Variants in TENM1 observed in about 807,000 individuals in gnomAD.
The protein encoded by TENM1 is teneurin transmembrane protein 1.
In TENM1, 35 loss-of-function variants were observed where a neutral mutation model predicts 174.8. That is an observed-to-expected ratio of 0.20 (90% CI 0.15 to 0.27). The LOEUF is 0.27. Among genes scored for constraint, TENM1 ranks in the 10% least tolerant of loss-of-function variants. The pLI is 1.00. For synonymous variants in TENM1, 781 were observed against 798.7 expected, an observed-to-expected ratio of 0.98 and a Z score of 0.37; for missense variants, 1,633 against 2,130.1, an observed-to-expected ratio of 0.77 and a Z score of 4.59.
chrX:124,497,207 T>A lies in TENM1; in HGVS notation c.3504A>T (p.Ile1168=), dbSNP rs750188556. 5 of 1,207,296 alleles carry A rather than the reference T, an allele frequency of 4.1e-6. No individual in the cohort carries two copies. In the East Asian group the frequency reaches 1.5e-4, roughly 36 times the overall value. Residue 1168 remains isoleucine (I), a synonymous_variant, in exon 20 of 32, where the codon ATA becomes ATT. Coordinates refer to ENST00000422452, the Ensembl canonical transcript of TENM1. ...GGTGTCCATTACCCATTATGGTTGA[T>A]ATGACTGGGGGCTGCTGGGAAATGA...
intron 3 of TENM1, among the ~76,000 whole-genome samples, chrX:124,892,881 C>A (rs367842896): frequency 5.4e-5 from 6 of 112,141 alleles, no homozygotes; most frequent in African/African-American, 1.9e-4. Flanking sequence ...TCAGATATAA[C>A]ATGTATAAAC....
intron 14 of TENM1, among the ~76,000 whole-genome samples, chrX:124,549,205 A>C (rs2048501879): frequency 8.9e-6 from 1 of 112,283 alleles, no homozygotes; most frequent in African/African-American, 3.2e-5. Flanking sequence ...TCTGCTAATT[A>C]AACATCTGGA....
chrX:124,798,515 TTCACCC>T (rs1603209894), intron 3 of TENM1, among the ~76,000 whole-genome samples: 1 of 112,233 alleles, frequency 8.9e-6, no homozygotes, highest in Non-Finnish European at 1.9e-5. Context: ...GTTCATATCC[TTCACCC>T]TCTTTTTGAT....
exon 6 of TENM1, chrX:124,671,806 A>T (rs1968111043): frequency 8.3e-7 from 1 of 1,208,867 alleles, no homozygotes; most frequent in Non-Finnish European, 1.1e-6. Context: ...ACTGGTTGCA[A>T]CTGCCAAGTC....
chrX:124,878,365 T>C (rs969923033), intron 3 of TENM1, among the ~76,000 whole-genome samples: 1 of 110,893 alleles, frequency 9.0e-6, no homozygotes, highest in Admixed American at 9.6e-5. Context: ...ACTGGAGAAC[T>C]GATCATATAG....
At chrX:125,134,022 A>G in the TENM1 span, among the ~76,000 whole-genome samples, 1 of 111,245 alleles carries the variant, frequency 9.0e-6, no homozygotes, top group Non-Finnish European at 1.9e-5. Context: ...TGATTTTTGT[A>G]TTTCGTTGCC....
intron 3 of TENM1, among the ~76,000 whole-genome samples, chrX:124,835,066 T>G (rs2056366290): frequency 1.8e-5 from 2 of 111,921 alleles, no homozygotes; most frequent in Non-Finnish European, 3.8e-5. Context: ...CACCTTTCAC[T>G]CTGGTTAAAC....
At chrX:124,488,526 G>C (rs1446929153) in intron 20 of TENM1, among the ~76,000 whole-genome samples, 1 of 112,327 alleles carries the variant, frequency 8.9e-6, no homozygotes, top group Admixed American at 9.4e-5. Context: ...TAGGTATCCT[G>C]TGGGTTGAAA....
the TENM1 span, among the ~76,000 whole-genome samples, chrX:125,142,988 A>G: frequency 2.7e-5 from 3 of 112,232 alleles, no homozygotes; most frequent in Non-Finnish European, 5.6e-5. Context: ...AACAATAAAC[A>G]CAATTCAAGT....
the TENM1 span, among the ~76,000 whole-genome samples, chrX:125,148,177 TTC>T: frequency 1.8e-5 from 2 of 110,873 alleles, no homozygotes; most frequent in Non-Finnish European, 3.8e-5. Context: ...CCTCTCACTA[TTC>T]TCTCTCTTTG....
chrX:124,788,086 C>A (rs1444035705), intron 3 of TENM1, among the ~76,000 whole-genome samples: 1 of 111,497 alleles, frequency 9.0e-6, no homozygotes, highest in Non-Finnish European at 1.9e-5. Context: ...ATCATGACAG[C>A]AGCCCAGAAA....
At chrX:124,445,666 T>C (rs113670881) in intron 23 of TENM1, among the ~76,000 whole-genome samples, 4,404 of 112,228 alleles carry the variant, frequency 0.039, 194 homozygotes, top group African/African-American at 0.13. Flanking sequence ...GTGTACCTTA[T>C]GGGCAGTAGG....
At chrX:124,610,692 C>G (rs1473517113) in intron 11 of TENM1, among the ~76,000 whole-genome samples, 1 of 111,242 alleles carries the variant, frequency 9.0e-6, no homozygotes, top group Non-Finnish European at 1.9e-5. Flanking sequence ...CACACAAGAT[C>G]TTTTCTGCCA....
chrX:124,745,894 C>A (rs1434592251), intron 3 of TENM1, among the ~76,000 whole-genome samples: 2 of 110,871 alleles, frequency 1.8e-5, no homozygotes, highest in African/African-American at 3.3e-5. Flanking sequence ...GCTGGTAGAA[C>A]ACTACTGGCT....
At chrX:124,425,995 G>GGTGTGTGTGTGTGTGTGT (rs200141105) in intron 23 of TENM1, among the ~76,000 whole-genome samples, 1 of 88,006 alleles carries the variant, frequency 1.1e-5, no homozygotes, top group African/African-American at 4.2e-5. Flanking sequence ...CAAAAGGACT[G>GGTGTGTGTGTGTGTGTGT]GTGTGTGTGT....
intron 17 of TENM1, among the ~76,000 whole-genome samples, chrX:124,522,575 C>A (rs781031929): frequency 2.7e-4 from 29 of 108,976 alleles, no homozygotes; most frequent in Non-Finnish European, 4.9e-4. Flanking sequence ...AAAAAAAAAA[C>A]TGCACAGGCT....
intron 11 of TENM1, among the ~76,000 whole-genome samples, chrX:124,602,497 T>C (rs367956386): frequency 9.0e-6 from 1 of 110,652 alleles, no homozygotes; most frequent in South Asian, 3.8e-4. Context: ...TATTGGTAAG[T>C]TGAAGGGAGA....
At chrX:124,460,771 A>C (rs1005743637) in intron 22 of TENM1, among the ~76,000 whole-genome samples, 4 of 110,744 alleles carry the variant, frequency 3.6e-5, no homozygotes, top group Non-Finnish European at 7.6e-5. Flanking sequence ...CTAGTTTAAC[A>C]CAAGTTTGTC....
chrX:124,747,265 T>A (rs1191268664), intron 3 of TENM1, among the ~76,000 whole-genome samples: 1 of 109,015 alleles, frequency 9.2e-6, no homozygotes, highest in Non-Finnish European at 1.9e-5. Flanking sequence ...ATGCAGGTAC[T>A]CCCCTCCAGC....
Sources: allele counts gnomAD v4.1 joint callset (sites outside exome capture counted in the v4.1 genomes callset), GRCh38; gene constraint gnomAD v4.1.1; transcripts MANE v1.5; gene names NCBI Gene and HGNC (gene_info 2026-07-23, HGNC 2026-07-21).